HOOK2: variants seen among roughly 807,000 people sequenced by gnomAD.
HOOK2 encodes hook microtubule tethering protein 2.
HOOK2 carries 108 observed loss-of-function variants against 111.9 expected under a neutral mutation model. That is an observed-to-expected ratio of 0.96 (90% CI 0.83 to 1.13). The LOEUF (loss-of-function observed/expected upper bound fraction) is 1.13. Among genes scored for constraint, HOOK2 ranks in the 50% most tolerant of loss-of-function variants. The pLI, the probability that HOOK2 is intolerant of heterozygous loss-of-function variation, is 0.00. For missense variants in HOOK2, 978 were observed against 951.3 expected (o/e 1.03, Z -0.37); for synonymous variants, 405 against 394.3 (o/e 1.03, Z -0.32).
intron 11 of HOOK2, 69 bp from the exon 12 acceptor site, chr19:12,768,192 G>T: frequency 8.1e-7 from 1 of 1,241,810 alleles, no homozygotes; most frequent in Non-Finnish European, 1.2e-6. Context: ...AGTACAAATG[G>T]TCCCCGATCC....
At position 12,764,824 on chromosome 19, in the gene HOOK2, T is replaced by C. The variant is rs935418014; in HGVS notation, c.1817A>G (p.Lys606Arg). Residue 606 changes from lysine to arginine, a missense_variant, in exon 20 of 23, where the codon AAG becomes AGG. Lys to Arg is a conservative substitution (Grantham distance 26). Coordinates refer to ENST00000397668, the MANE Select transcript of HOOK2 (RefSeq NM_013312.3). Reference sequence around the variant, plus strand: ...ACCCAGCGTCCTCACCATGCGGGCCTTGTCCACGTAGCGGCGGTATCGCTC... The same window carrying C: ...ACCCAGCGTCCTCACCATGCGGGCCCTGTCCACGTAGCGGCGGTATCGCTC... ...MEERYRRYVD[K>R]ARMVMQTMEP... 1.9e-6 allele frequency: 3 copies of C among 1,613,774 alleles called. No homozygotes were observed. The highest frequency in any genetic ancestry group is 2.5e-6 in the Non-Finnish European group (3 of 1,179,942).
intron 14 of HOOK2, 105 bp downstream of exon 14, chr19:12,767,290 G>T: frequency 1.0e-6 from 1 of 966,172 alleles, no homozygotes; most frequent in Non-Finnish European, 1.6e-6. Flanking sequence ...CTGGAGCTGA[G>T]ACCAAGCAAC....
At chr19:12,779,635 C>A (rs535998529), upstream of HOOK2, among the ~76,000 whole-genome samples, 3 of 152,142 alleles carry the variant, frequency 2.0e-5, no homozygotes, top group Non-Finnish European at 4.4e-5. Context: ...GGATTTCAGG[C>A]GTGAGCCACG....
rs1599500771 is a variant in HOOK2, at chr19:12,773,109, T to C, written c.205-65A>G. 7 of 1,475,920 alleles carry C rather than the reference T, an allele frequency of 4.7e-6. 1 individual carries two copies. In the Admixed American group the frequency reaches 1.2e-4, roughly 25 times the overall value. 91.4% of individuals were successfully genotyped at this position (1,475,920 alleles called of 1,614,324 possible). ...TCCCACTCTGAATCTGTAGGTCCCA[T>C]CCTCTCTCCACCTCACTTCTCCTTC... On this transcript the variant is annotated intron_variant, in intron 3 of 22. Transcript: ENST00000397668.
At chr19:12,769,762 G>A in intron 11 of HOOK2, 119 bp downstream of exon 11, 1 of 800,618 alleles carries the variant, frequency 1.2e-6, no homozygotes, top group Non-Finnish European at 1.8e-6. Context: ...GAAGAGGCCC[G>A]GAGAGCGTGG....
chr19:12,774,673 A>G lies in HOOK2; in HGVS notation c.200T>C (p.Leu67Pro). ...ISEDPGPNWK[L>P]KVSNLKMVLR... ...AATCAGGAGTCCACTTGTCACCTTC[A>G]GCTTCCAGTTGGGACCTGGATCTTC... The change falls in exon 3 of 23, where the codon CTG becomes CCG. Residue 67 changes from leucine to proline, a missense_variant. Leu to Pro is a moderately conservative substitution (Grantham distance 98, BLOSUM62 -3). Transcript: ENST00000397668. 6.2e-7 allele frequency: 1 copy of G among 1,614,060 alleles called. No individual in the cohort carries two copies. Among genetic ancestry groups the G allele is most frequent in the Non-Finnish European group, 8.5e-7 (1 of 1,179,984 alleles).
In HOOK2 at chr19:12,769,955, G is replaced by C. The variant is rs182407230; in HGVS notation, c.1030C>G (p.Arg344Gly). The change falls in exon 11 of 23, where the codon CGC (arginine) becomes GGC (glycine). Residue 344 changes from arginine (R) to glycine (G), a missense_variant. Arg to Gly is a moderately radical substitution (Grantham distance 125, BLOSUM62 -2). Coordinates refer to ENST00000397668, the MANE Select transcript of HOOK2 (RefSeq NM_013312.3). The stretch of plus-strand genomic sequence containing the variant: ...AGCTCATCCTCCAGTTGTCGCGTGC[G>C]CTCGGCGTGGCCGGCGTTGCGTTCC... ...LEERNAGHAE[R>G]TRQLEDELRR... is the part of the protein sequence containing the mutation. The C allele has an allele frequency of 5.7e-5, 88 of 1,555,176 alleles. No homozygotes were observed. Among genetic ancestry groups the C allele is most frequent in the Non-Finnish European group, 7.2e-5 (83 of 1,157,498 alleles).
At position 12,769,987 on chromosome 19, in the gene HOOK2, T is replaced by TGCCGCACCTGCC. The variant is rs1568366705; in HGVS notation, c.986_997dup (p.Arg329_Arg332dup). On this transcript the variant is annotated inframe_insertion, in exon 11 of 23. Coordinates refer to ENST00000397668, the MANE Select transcript of HOOK2 (RefSeq NM_013312.3). ...GTGGCCGGCGTTGCGTTCCTCCAGC[T>TGCCGCACCTGCC]GCCGCACCTGCCGCCGCAGCTCCCT... The TGCCGCACCTGCC allele has an allele frequency of 6.5e-7, 1 of 1,545,750 alleles. No homozygotes were observed. Among genetic ancestry groups the TGCCGCACCTGCC allele is most frequent in the Non-Finnish European group, 8.7e-7 (1 of 1,150,690 alleles).
intron 11 of HOOK2, among the ~76,000 whole-genome samples, chr19:12,769,240 C>T (rs548077651): frequency 6.6e-6 from 1 of 152,106 alleles, no homozygotes; most frequent in South Asian, 2.1e-4. Flanking sequence ...GCTGGGATTA[C>T]AGGAGTGAGC....
upstream of HOOK2, among the ~76,000 whole-genome samples, chr19:12,782,630 G>A (rs1968615645): frequency 6.6e-6 from 1 of 152,174 alleles, no homozygotes; most frequent in African/African-American, 2.4e-5. Flanking sequence ...TGGAAGGGCG[G>A]GAGCTCTGCA....
In HOOK2 at chr19:12,767,476, G is replaced by A. The variant is rs774563164; in HGVS notation, c.1304-12C>T. On this transcript the variant is annotated splice_polypyrimidine_tract_variant and intron_variant, in intron 13 of 22. Coordinates refer to ENST00000397668, the MANE Select transcript of HOOK2 (RefSeq NM_013312.3). ...ATCCAGTGAGGGATCTGAAGAATGC[G>A]AGAAAAGTCTTCAGGTCTCTTCGCA... 5.0e-6 allele frequency: 8 copies of A among 1,610,882 alleles called. No individual in the cohort carries two copies. The highest frequency in any genetic ancestry group is 2.2e-5 in the East Asian group (1 of 44,862).
Position 12,767,418 on chromosome 19 carries a change from T to C in HOOK2, c.1350A>G (p.Ala450=), listed in dbSNP as rs1364736638. 6.2e-7 allele frequency: 1 copy of C among 1,614,052 alleles called. No homozygotes were observed. Among genetic ancestry groups the C allele is most frequent in the South Asian group, 1.1e-5 (1 of 91,080 alleles). ...ACCTGAGCTCCGCAGGCAGGATCTC[T>C]GCGGCTAAGTTATCCACGGGTGTGG... ...PTSTPVDNLA[A]EILPAELRET... The change falls in exon 14 of 23, where the codon GCA becomes GCG. Residue 450 remains alanine, a synonymous_variant. Coordinates refer to ENST00000397668, the MANE Select transcript of HOOK2 (RefSeq NM_013312.3).
upstream of HOOK2, among the ~76,000 whole-genome samples, chr19:12,780,961 G>C (rs1203469740): frequency 6.9e-6 from 1 of 145,496 alleles, no homozygotes; most frequent in Non-Finnish European, 1.5e-5. Context: ...CTGGGTGACA[G>C]AGCGAGACTC....
At chr19:12,770,271 G>A (rs1968278214) in intron 10 of HOOK2, among the ~76,000 whole-genome samples, 189 bp from the exon 11 acceptor site, 1 of 152,014 alleles carries the variant, frequency 6.6e-6, no homozygotes, top group Non-Finnish European at 1.5e-5. Context: ...TACAGCAATG[G>A]TTAGCCCAGG....
chr19:12,789,437 G>A (rs1012811560), intron 3 of HOOK2, among the ~76,000 whole-genome samples: 2 of 152,116 alleles, frequency 1.3e-5, no homozygotes, highest in African/African-American at 2.4e-5. Context: ...AGCTACTCTA[G>A]GGAAGGAGGG....
intron 7 of HOOK2, 78 bp from the exon 8 acceptor site, chr19:12,771,555 C>A: frequency 8.2e-7 from 1 of 1,220,050 alleles, no homozygotes; most frequent in Non-Finnish European, 1.2e-6. Flanking sequence ...CTCTAGAGGC[C>A]AAATGGAGGG....
At chr19:12,771,935 G>C (rs1404880096) in intron 7 of HOOK2, 1 of 503,246 alleles carries the variant, frequency 2.0e-6, no homozygotes, top group African/African-American at 1.9e-5. Flanking sequence ...GCTGGGGTTG[G>C]AGACTGAAGG....
In HOOK2 at chr19:12,774,849, T is replaced by C; in HGVS notation, c.94A>G (p.Ser32Gly). Residue 32 changes from serine to glycine, a missense_variant, in exon 2 of 23, where the codon AGC becomes GGC. By Grantham distance (56) the Ser-to-Gly change is moderately conservative (BLOSUM62 0). This residue lies in a region of HOOK2 where 301 missense variants were observed against 286.1 expected (regional missense o/e 1.05). Transcript: ENST00000397668. Reference sequence around the variant, plus strand: ...ACATAGGCTACGGCAAGGCCGCTGCTCAGGTCCTGAGGGCTGGCACAGGGA... The same window carrying C: ...ACATAGGCTACGGCAAGGCCGCTGCCCAGGTCCTGAGGGCTGGCACAGGGA... ...PSPCASPQDLSSGLAVAYVLN... is the reference protein window; with the variant it reads ...PSPCASPQDLGSGLAVAYVLN... The C allele has an allele frequency of 6.2e-7, 1 of 1,613,968 alleles. No individual in the cohort carries two copies. The highest frequency in any genetic ancestry group is 8.5e-7 in the Non-Finnish European group (1 of 1,179,966).
chr19:12,786,648 G>A lies in HOOK2; in HGVS notation n.42-12423C>T, dbSNP rs1409817163. Reference sequence around the variant, plus strand: ...GTGGGGCCGGCCTGGCGCCAGTGGGGCGGCTTGAGGGGGTGGTGCCCAGGC... The same window carrying A: ...GTGGGGCCGGCCTGGCGCCAGTGGGACGGCTTGAGGGGGTGGTGCCCAGGC... On this transcript the variant is annotated intron_variant and non_coding_transcript_variant, in intron 3 of 3. Transcript: ENST00000589765. The surrounding 1 kb of genome is among the most constrained non-coding windows in gnomAD (Gnocchi z 4.3). Among the ~76,000 whole-genome samples the A allele has an allele frequency of 2.6e-5, 4 of 152,208 alleles. No individual in the cohort carries two copies. The highest frequency in any genetic ancestry group is 4.8e-5 in the African/African-American group (2 of 41,464).
Sources: gnomAD v4.1 joint callset for allele counts (sites outside exome capture counted in the v4.1 genomes callset) on GRCh38, gnomAD v4.1.1 for gene constraint, gnomAD v4.1.1 regional missense constraint, Gnocchi (gnomAD v3.1) non-coding constraint, MANE v1.5 for transcripts, NCBI Gene and HGNC (gene_info 2026-07-23, HGNC 2026-07-21) for gene names.